ANO4: variants seen among roughly 807,000 people sequenced by gnomAD.
ANO4 encodes anoctamin 4.
Under a neutral mutation model 141.9 loss-of-function variants are expected in ANO4, and 69 were observed. That is an observed-to-expected ratio of 0.49 (90% confidence interval 0.40 to 0.59). The LOEUF is 0.59. ANO4 is among the 20% of genes least tolerant of loss of function. The pLI is 0.00. For synonymous variants in ANO4, 350 were observed against 394.3 expected (o/e 0.89, Z 1.33); for missense variants, 894 against 1,162.2 (o/e 0.77, Z 3.36).
chr12:101,031,716 C>G (rs540416263), intron 9 of ANO4, among the ~76,000 whole-genome samples: 13 of 152,178 alleles, frequency 8.5e-5, no homozygotes, highest in Non-Finnish European at 1.5e-4. Flanking sequence ...CTTAAGCTGA[C>G]AAGCAACTTC....
intron 8 of ANO4, among the ~76,000 whole-genome samples, chr12:100,991,059 A>G (rs150618110): frequency 6.6e-4 from 100 of 152,302 alleles, no homozygotes; most frequent in Admixed American, 2.9e-3. Flanking sequence ...GAAGAACCAG[A>G]CCTCAGTGGG....
chr12:101,070,160 A>C (rs2048752092), intron 14 of ANO4, among the ~76,000 whole-genome samples: 1 of 152,182 alleles, frequency 6.6e-6, no homozygotes, highest in African/African-American at 2.4e-5. Flanking sequence ...GAAATAGAAA[A>C]AATAATCCTA....
intron 1 of ANO4, among the ~76,000 whole-genome samples, chr12:100,804,362 T>G (rs2034873742): frequency 6.6e-6 from 1 of 152,208 alleles, no homozygotes; most frequent in Non-Finnish European, 1.5e-5. Flanking sequence ...TGATGGGCAT[T>G]TAGGTTGGTT....
intron 1 of ANO4, among the ~76,000 whole-genome samples, chr12:100,863,228 T>C (rs945141458): frequency 6.6e-6 from 1 of 152,134 alleles, no homozygotes; most frequent in Non-Finnish European, 1.5e-5. Context: ...GTCAGTGTTA[T>C]TTAGTCTTTA....
At chr12:100,919,505 A>G (rs570391996) in intron 2 of ANO4, among the ~76,000 whole-genome samples, 1 of 152,306 alleles carries the variant, frequency 6.6e-6, no homozygotes, top group Non-Finnish European at 1.5e-5. Context: ...TTTGTAGCTT[A>G]GGAGCAATAG....
rs79700371 is a variant in ANO4 at position 100,913,850 on chromosome 12, G to A, written c.56-8376G>A. 8.9e-3 allele frequency among the ~76,000 whole-genome samples: 1,351 copies of A among 152,266 alleles called. 27 individuals carry two copies. Among genetic ancestry groups the A allele is most frequent in the African/African-American group, 0.031 (1,287 of 41,542 alleles). ...AGAGGGGCAGAGTCCTAGCTTTTTT[G>A]AGGATTGTCATTTCGCAAGGGCAAT... On this transcript the variant is annotated intron_variant, in intron 2 of 27. Transcript: ENST00000392977.
intron 3 of ANO4, among the ~76,000 whole-genome samples, chr12:100,928,808 A>G (rs2041977366): frequency 6.6e-6 from 1 of 152,140 alleles, no homozygotes; most frequent in African/African-American, 2.4e-5. Flanking sequence ...ACAATGAAGT[A>G]GTAGTAAGAG....
intron 1 of ANO4, among the ~76,000 whole-genome samples, chr12:100,867,204 G>A (rs1565950940): frequency 6.6e-6 from 1 of 152,154 alleles, no homozygotes; most frequent in East Asian, 1.9e-4. Context: ...ACTTGGTTCA[G>A]TTTATGACTC....
chr12:101,080,865 G>GATATATATATATAAT (rs1746376331), intron 15 of ANO4, among the ~76,000 whole-genome samples: 5 of 109,372 alleles, frequency 4.6e-5, no homozygotes, highest in South Asian at 7.5e-4. Context: ...CTAGGTTCTA[G>GATATATATATATAAT]ATATATATAT....
At chr12:100,948,589 G>C (rs538330389) in intron 5 of ANO4, among the ~76,000 whole-genome samples, 1 of 151,930 alleles carries the variant, frequency 6.6e-6, no homozygotes, top group Non-Finnish European at 1.5e-5. Flanking sequence ...AAAGCTTTTT[G>C]TAAAATGATT....
At chr12:100,731,317 T>A (rs2031371143) in intron 1 of ANO4, among the ~76,000 whole-genome samples, 1 of 152,200 alleles carries the variant, frequency 6.6e-6, no homozygotes, top group Admixed American at 6.5e-5. Context: ...ACAAAATGTA[T>A]TTATTGTAAT....
At chr12:100,873,116 C>A (rs1350789459) in intron 1 of ANO4, among the ~76,000 whole-genome samples, 2 of 152,176 alleles carry the variant, frequency 1.3e-5, no homozygotes, top group African/African-American at 4.8e-5. Flanking sequence ...TCCTGTACAA[C>A]CTGTGGAATT....
intron 3 of ANO4, among the ~76,000 whole-genome samples, chr12:100,768,521 T>A (rs2033177305): frequency 6.6e-6 from 1 of 152,222 alleles, no homozygotes; most frequent in African/African-American, 2.4e-5. Flanking sequence ...CCATACTGTG[T>A]TTAAATTTAT....
intron 9 of ANO4, among the ~76,000 whole-genome samples, chr12:101,022,205 G>A (rs1369791074): frequency 6.6e-6 from 1 of 152,150 alleles, no homozygotes; most frequent in Non-Finnish European, 1.5e-5. Flanking sequence ...CCTGATTTAG[G>A]TCTTTCTTAA....
intron 3 of ANO4, among the ~76,000 whole-genome samples, chr12:100,741,524 T>G (rs1012538464): frequency 1.3e-5 from 2 of 152,280 alleles, no homozygotes; most frequent in African/African-American, 4.8e-5. Context: ...TTTTGATTCC[T>G]GCGGTTCACA....
At chr12:100,783,809 G>A (rs1451517250) in intron 3 of ANO4, among the ~76,000 whole-genome samples, 1 of 152,098 alleles carries the variant, frequency 6.6e-6, no homozygotes, top group Non-Finnish European at 1.5e-5. Flanking sequence ...GATGTACCCT[G>A]GGTGTTGCTG....
intron 1 of ANO4, among the ~76,000 whole-genome samples, chr12:100,803,080 A>G (rs900626770): frequency 2.0e-5 from 3 of 152,190 alleles, no homozygotes; most frequent in Non-Finnish European, 4.4e-5. Context: ...ATCAAAGCCC[A>G]TTAGTATTTT....
intron 4 of ANO4, among the ~76,000 whole-genome samples, chr12:100,941,747 T>C (rs984980340): frequency 7.1e-6 from 1 of 140,224 alleles, no homozygotes; most frequent in Non-Finnish European, 1.5e-5. Flanking sequence ...ATAATGTTAA[T>C]GTGTTTTCCA....
intron 3 of ANO4, among the ~76,000 whole-genome samples, chr12:100,759,347 T>C (rs1266137478): frequency 1.3e-5 from 2 of 152,238 alleles, no homozygotes; most frequent in Admixed American, 1.3e-4. Flanking sequence ...AAGAACAGAC[T>C]GAAAAATTGG....
Sources: allele counts gnomAD v4.1 joint callset (sites outside exome capture counted in the v4.1 genomes callset), GRCh38; gene constraint gnomAD v4.1.1; transcripts MANE v1.5; gene names NCBI Gene and HGNC (gene_info 2026-07-23, HGNC 2026-07-21).